The following SRRM3 variants were observed in gnomAD, a reference collection of about 807,000 sequenced individuals.
The protein encoded by SRRM3 is serine/arginine repetitive matrix protein 3.
In SRRM3, 27 loss-of-function variants were observed where a neutral mutation model predicts 66.2. The observed-to-expected ratio is 0.41, with a 90% CI of 0.30 to 0.56. SRRM3 has a LOEUF of 0.56. Ranked by LOEUF, SRRM3 falls within the 20% of genes least tolerant of loss-of-function variation. The pLI is 0.32. For synonymous variants in SRRM3, 391 were observed against 414.9 expected, an observed-to-expected ratio of 0.94 and a Z score of 0.70; for missense variants, 918 against 991.9, an observed-to-expected ratio of 0.93 and a Z score of 1.00.
In SRRM3 at chr7:76,281,745, C is replaced by T. The variant is rs1299648627; in HGVS notation, c.1313C>T (p.Ala438Val). The change falls in exon 12 of 15, where the codon GCC becomes GTC. Residue 438 changes from alanine (A) to valine (V), a missense_variant. Physicochemically the swap from Ala to Val is moderately conservative, Grantham distance 64. Transcript: ENST00000611745. ...SSSDSGSGRG[A>V]PGPGPEPGSE... is the part of the protein sequence containing the mutation. ...AGCGACTCCGGCAGCGGCCGCGGCGCCCCCGGCCCCGGGCCCGAGCCCGGC... is the reference window on the plus strand; with the variant it reads ...AGCGACTCCGGCAGCGGCCGCGGCGTCCCCGGCCCCGGGCCCGAGCCCGGC... The T allele has an allele frequency of 3.0e-6, 4 of 1,337,218 alleles. No homozygotes were observed. Among genetic ancestry groups the T allele is most frequent in the African/African-American group, 1.6e-5 (1 of 64,468 alleles). 82.8% of individuals were successfully genotyped at this position (1,337,218 alleles called of 1,614,324 possible).
At chr7:76,284,596 C>T (rs1490136011) in intron 14 of SRRM3, among the ~76,000 whole-genome samples, 1 of 152,156 alleles carries the variant, frequency 6.6e-6, no homozygotes, top group African/African-American at 2.4e-5. Context: ...CTTCTGATGC[C>T]AACTCACCAG....
In SRRM3 at chr7:76,202,865, A is replaced by G. The variant is rs138331636; in HGVS notation, c.-40+798A>G. On this transcript the variant is annotated intron_variant, in intron 1 of 14. Transcript: ENST00000611745. ...GCCTCCTGCAGTTCCTACTCCTGAC[A>G]GCAGATCCATTGTGGGGAGAGATTT... is the stretch of plus-strand genomic sequence containing the variant. 1.3e-3 allele frequency among the ~76,000 whole-genome samples: 202 copies of G among 152,286 alleles called. 8 individuals carry two copies. The South Asian group carries it at 0.038, about 28-fold the overall frequency.
At chr7:76,207,063 C>T (rs1269939018) in intron 1 of SRRM3, among the ~76,000 whole-genome samples, 3 of 152,182 alleles carry the variant, frequency 2.0e-5, no homozygotes, top group African/African-American at 7.2e-5. Context: ...GCAAGTTGTA[C>T]AGAATCGTTC....
intron 1 of SRRM3, among the ~76,000 whole-genome samples, chr7:76,221,073 T>TTC (rs1309376821): frequency 1.3e-5 from 2 of 151,566 alleles, no homozygotes; most frequent in Admixed American, 1.3e-4. Flanking sequence ...TTTTTTTTTT[T>TTC]TCCAGACAAG....
At chr7:76,267,196 A>T in intron 10 of SRRM3, 62 bp from the exon 11 acceptor site, 1 of 1,402,348 alleles carries the variant, frequency 7.1e-7, no homozygotes, top group Non-Finnish European at 9.3e-7. Context: ...GAGGAGGCGC[A>T]ACTGCTTGCA....
intron 1 of SRRM3, among the ~76,000 whole-genome samples, chr7:76,225,327 C>G (rs548915846): frequency 6.6e-6 from 1 of 152,152 alleles, no homozygotes; most frequent in East Asian, 1.9e-4. Context: ...ACGAAGTGCT[C>G]AAGTGCTTAC....
chr7:76,216,582 GT>G (rs1306561983), intron 1 of SRRM3, among the ~76,000 whole-genome samples: 2 of 152,216 alleles, frequency 1.3e-5, no homozygotes, highest in Non-Finnish European at 1.5e-5. Flanking sequence ...TGGATTTCCA[GT>G]ACACTGGAGG....
Position 76,267,614 on chromosome 7 carries a change from C to A in SRRM3, c.1008+179C>A, listed in dbSNP as rs1016612062. The A allele has an allele frequency of 9.6e-6, 5 of 522,034 alleles. No homozygotes were observed. In the Admixed American group the frequency reaches 1.4e-4, roughly 14 times the overall value. 32.3% of individuals were successfully genotyped at this position (522,034 alleles called of 1,614,324 possible). ...CCTGGCTCGGGAGCCGCCGGGAGTG[C>A]TAGGCCGTTGCGCCCACCTGGCCCT... On this transcript the variant is annotated intron_variant, in intron 11 of 14. Coordinates refer to ENST00000611745, the MANE Select transcript of SRRM3 (RefSeq NM_001110199.3).
intron 1 of SRRM3, among the ~76,000 whole-genome samples, chr7:76,213,203 G>T (rs1800478419): frequency 6.6e-6 from 1 of 151,472 alleles, no homozygotes; most frequent in Non-Finnish European, 1.5e-5. Context: ...TAGAAACGGG[G>T]TTTCACTATG....
intron 1 of SRRM3, among the ~76,000 whole-genome samples, chr7:76,217,821 G>A (rs1431722076): frequency 1.3e-5 from 2 of 152,186 alleles, no homozygotes; most frequent in Non-Finnish European, 2.9e-5. Context: ...AATATCGTAA[G>A]AGGAAGGCTG....
At chr7:76,250,880 T>C (rs7800970) in intron 3 of SRRM3, among the ~76,000 whole-genome samples, 46,974 of 152,028 alleles carry the variant, frequency 0.31, 8,057 homozygotes, top group East Asian at 0.6. Context: ...AGCTCGAGAC[T>C]GGATTCATCT....
chr7:76,286,382 A>T lies in SRRM3; in HGVS notation c.*539A>T, dbSNP rs1802676216. 6.5e-6 allele frequency: 1 copy of T among 152,790 alleles called. No individual in the cohort carries two copies. Among genetic ancestry groups the T allele is most frequent in the Admixed American group, 6.6e-5 (1 of 15,264 alleles). 9.5% of individuals were successfully genotyped at this position (152,790 alleles called of 1,614,324 possible). ...GGAAGAACAGCCTAACCCTTGGTGC[A>T]CCCCCATCCAAGCTGGGGAGCTGCA... is the stretch of plus-strand genomic sequence containing the variant. On this transcript the variant is annotated 3_prime_UTR_variant, in exon 15 of 15. Transcript: ENST00000611745.
intron 1 of SRRM3, among the ~76,000 whole-genome samples, chr7:76,223,274 C>A (rs1213316498): frequency 6.6e-6 from 1 of 152,214 alleles, no homozygotes; most frequent in Non-Finnish European, 1.5e-5. Flanking sequence ...CTTACCCCCC[C>A]AGCCCCACGC....
At chr7:76,231,534 G>C (rs562973391) in intron 1 of SRRM3, among the ~76,000 whole-genome samples, 2 of 152,216 alleles carry the variant, frequency 1.3e-5, no homozygotes, top group Non-Finnish European at 2.9e-5. Context: ...GAAGATGTGC[G>C]GAACAGCATG....
At chr7:76,275,341 C>T (rs1802317694) in intron 11 of SRRM3, among the ~76,000 whole-genome samples, 3 of 151,124 alleles carry the variant, frequency 2.0e-5, no homozygotes, top group African/African-American at 7.3e-5. Flanking sequence ...GAAGAAAGGG[C>T]AAGCTAGGCG....
At chr7:76,280,401 CCCCCTCCAT>C (rs1340346717) in intron 11 of SRRM3, among the ~76,000 whole-genome samples, 12 of 147,032 alleles carry the variant, frequency 8.2e-5, no homozygotes, top group Admixed American at 6.8e-4. Context: ...GACGCCCCCA[CCCCCTCCAT>C]CCCCTCGCCC....
chr7:76,254,348 C>T (rs1162975111), intron 3 of SRRM3, among the ~76,000 whole-genome samples: 5 of 152,106 alleles, frequency 3.3e-5, no homozygotes, highest in East Asian at 1.9e-4. Flanking sequence ...GATGGAGTTT[C>T]GCTCTTATTG....
intron 14 of SRRM3, among the ~76,000 whole-genome samples, chr7:76,284,106 G>A (rs1473204984): frequency 6.6e-6 from 1 of 152,024 alleles, no homozygotes; most frequent in Non-Finnish European, 1.5e-5. Context: ...GAAGCATGGG[G>A]TGGGCATTAC....
At chr7:76,209,604 ATTTTTTTTT>A (rs11290590) in intron 1 of SRRM3, among the ~76,000 whole-genome samples, 1 of 136,820 alleles carries the variant, frequency 7.3e-6, no homozygotes, top group African/African-American at 2.7e-5. Flanking sequence ...AAGAGTTGGA[ATTTTTTTTT>A]TTTTTTTTTT....
Sources: allele counts gnomAD v4.1 joint callset (sites outside exome capture counted in the v4.1 genomes callset), GRCh38; gene constraint gnomAD v4.1.1; transcripts MANE v1.5; gene names NCBI Gene and HGNC (gene_info 2026-07-23, HGNC 2026-07-21).